The following SPATA2L variants were observed in gnomAD, a reference collection of about 807,000 sequenced individuals.
SPATA2L encodes spermatogenesis associated 2 like.
Under a neutral mutation model 8.7 loss-of-function variants are expected in SPATA2L, and 5 were observed. That is an observed-to-expected ratio of 0.57 (90% CI 0.30 to 1.21). The LOEUF is 1.21. SPATA2L is among the 50% of genes most tolerant of loss of function. SPATA2L has a pLI of 0.07. For missense variants in SPATA2L, 671 were observed against 591.0 expected (o/e 1.14, Z -1.40); for synonymous variants, 358 against 275.8 (o/e 1.30, Z -2.95).
At chr16:89,701,419 G>A in intron 1 of SPATA2L, 186 bp from the exon 2 acceptor site, 1 of 505,216 alleles carries the variant, frequency 2.0e-6, no homozygotes, top group Non-Finnish European at 3.3e-6. Flanking sequence ...TCAGCTGCCC[G>A]CCCACCCAGC....
intron 2 of SPATA2L, among the ~76,000 whole-genome samples, chr16:89,700,144 G>A (rs999607655): frequency 6.6e-6 from 1 of 152,238 alleles, no homozygotes; most frequent in Non-Finnish European, 1.5e-5. Flanking sequence ...GCAGAACTAA[G>A]TCCAAACCAG....
In SPATA2L at chr16:89,697,591, C is replaced by G. The variant is rs751714724; in HGVS notation, c.1018G>C (p.Gly340Arg). The change falls in exon 3 of 3, where the codon GGG becomes CGG. Residue 340 changes from glycine (G) to arginine (R), a missense_variant. By Grantham distance (125) the Gly-to-Arg change is moderately radical (BLOSUM62 -2). Coordinates refer to ENST00000289805, the MANE Select transcript of SPATA2L (RefSeq NM_152339.4). ...AASPRRIRAEGVPASAYRSVS... is the reference protein window; with the variant it reads ...AASPRRIRAERVPASAYRSVS... ...GACCTATAGGCTGAGGCTGGTACCCCCTCTGCCCGAATACGCCTCGGGCTG... is the reference window on the plus strand; with the variant it reads ...GACCTATAGGCTGAGGCTGGTACCCGCTCTGCCCGAATACGCCTCGGGCTG... 5.0e-6 allele frequency: 8 copies of G among 1,601,022 alleles called. No homozygotes were observed. Among genetic ancestry groups the G allele is most frequent in the African/African-American group, 2.7e-5 (2 of 74,852 alleles).
At position 89,697,994 on chromosome 16, in the gene SPATA2L, C is replaced by T; in HGVS notation, c.615G>A (p.Gln205=). The T allele has an allele frequency of 6.2e-7, 1 of 1,600,780 alleles. No individual in the cohort carries two copies. Among genetic ancestry groups the T allele is most frequent in the Non-Finnish European group, 8.5e-7 (1 of 1,177,246 alleles). The change falls in exon 3 of 3, where the codon CAG becomes CAA. Residue 205 remains glutamine (Q), a synonymous_variant. Coordinates refer to ENST00000289805, the MANE Select transcript of SPATA2L (RefSeq NM_152339.4). ...CVAWLQQRLA[Q]DEEPPPLPPR... ...GGGGCAGGGGTGGCGGCTCCTCATC[C>T]TGGGCCAGCCGCTGCTGCAGCCAGG...
chr16:89,696,983 C>G lies in SPATA2L; in HGVS notation c.*351G>C. ...GCCCCGTACTCCGTACTGCAGGGAG[C>G]AGGCCAGGAGCCACGGGCCTTGGGG... On this transcript the variant is annotated 3_prime_UTR_variant, in exon 3 of 3. Coordinates refer to ENST00000289805, the MANE Select transcript of SPATA2L (RefSeq NM_152339.4). 1 of 1,453,626 alleles carries G rather than the reference C, an allele frequency of 6.9e-7. No homozygotes were observed. Among genetic ancestry groups the G allele is most frequent in the Non-Finnish European group, 9.1e-7 (1 of 1,100,692 alleles). 90.0% of individuals were successfully genotyped at this position (1,453,626 alleles called of 1,614,324 possible). A position where few individuals can be genotyped will look rare whatever the true frequency, so the allele number is the denominator to read the frequency against.
intron 2 of SPATA2L, among the ~76,000 whole-genome samples, chr16:89,700,583 G>A (rs1426440783): frequency 6.6e-5 from 10 of 152,338 alleles, no homozygotes; most frequent in South Asian, 6.2e-4. Flanking sequence ...TAACCTGGAG[G>A]AATTAGGATG....
chr16:89,701,305 C>G (rs2060774491), intron 1 of SPATA2L, 72 bp from the exon 2 acceptor site: 1 of 1,337,784 alleles, frequency 7.5e-7, no homozygotes, highest in African/African-American at 1.5e-5. Flanking sequence ...TCCCCGAACC[C>G]TCACCCAGCG....
At position 89,699,432 on chromosome 16, in the gene SPATA2L, A is replaced by T. The variant is rs563731461; in HGVS notation, c.304-1127T>A. On this transcript the variant is annotated intron_variant, in intron 2 of 2. Transcript: ENST00000289805. ...CTTGCAGACAAGGACAGAAGCTGTA[A>T]CGTTCATTCCCCCTGCTGTGTAGTA... 3.2e-4 allele frequency among the ~76,000 whole-genome samples: 48 copies of T among 152,282 alleles called. 1 individual carries two copies. The highest frequency in any genetic ancestry group is 1.0e-3 in the Admixed American group (16 of 15,300).
At chr16:89,700,790 G>T in intron 2 of SPATA2L, 140 bp downstream of exon 2, 1 of 961,440 alleles carries the variant, frequency 1.0e-6, no homozygotes, top group Non-Finnish European at 1.4e-6. Context: ...ACCCCTCAGC[G>T]CTCGGAGCCT....
Position 89,697,376 on chromosome 16 carries a change from C to T in SPATA2L, c.1233G>A (p.Gln411=), listed in dbSNP as rs2060738687. Residue 411 remains glutamine (Q), a synonymous_variant, in exon 3 of 3, where the codon CAG becomes CAA. Transcript: ENST00000289805. ...GGCTGTTGTAGAGCAGAGTGTCCAT[C>T]TGTGCACGCTGTAGCCACAAGCGCC... is the stretch of plus-strand genomic sequence containing the variant. The part of the protein sequence containing the change: ...AQRRLWLQRA[Q]MDTLLYNSPG... 2 of 1,573,226 alleles carry T rather than the reference C, an allele frequency of 1.3e-6. No individual in the cohort carries two copies. The highest frequency in any genetic ancestry group is 2.7e-5 in the African/African-American group (2 of 74,018).
Position 89,697,677 on chromosome 16 carries a change from G to T in SPATA2L, c.932C>A (p.Ser311Tyr). ...AGGCCTACTCAGCTCACGGCGCAGA[G>T]AGAGGAAGGAGAAGGCGGAAGGTTC... Reference protein sequence around the residue: ...EPEPSAFSFLSLRRELSRPGD... With the variant: ...EPEPSAFSFLYLRRELSRPGD... Residue 311 changes from serine (S) to tyrosine (Y), a missense_variant, in exon 3 of 3, where the codon TCT (serine) becomes TAT (tyrosine). By Grantham distance (144) the Ser-to-Tyr change is moderately radical. Coordinates refer to ENST00000289805, the MANE Select transcript of SPATA2L (RefSeq NM_152339.4). 1.9e-6 allele frequency: 3 copies of T among 1,611,636 alleles called. No homozygotes were observed.
In SPATA2L at chr16:89,697,965, C is replaced by CG. The variant is rs775005823; in HGVS notation, c.643dup (p.Arg215ProfsTer37). ...GGCCCTGTAAGCAGCAGGGGAGCCT[C>CG]GGGGGGGCAGGGGTGGCGGCTCCTC... On this transcript the variant is annotated frameshift_variant, in exon 3 of 3. Transcript: ENST00000289805. LOFTEE classifies it low-confidence loss of function (END_TRUNC). 1.2e-5 allele frequency: 19 copies of CG among 1,604,600 alleles called. No individual in the cohort carries two copies. The highest frequency in any genetic ancestry group is 2.7e-5 in the African/African-American group (2 of 74,868).
At chr16:89,698,894 C>G (rs1295808892) in intron 2 of SPATA2L, among the ~76,000 whole-genome samples, 1 of 150,778 alleles carries the variant, frequency 6.6e-6, no homozygotes, top group African/African-American at 2.4e-5. Context: ...TTCAAGCGAT[C>G]TTCCTGCCTC....
In SPATA2L at chr16:89,696,590, G is replaced by A. The variant is rs1447947960; in HGVS notation, c.*744C>T. The A allele has an allele frequency of 5.7e-6, 3 of 527,288 alleles. No individual in the cohort carries two copies. The highest frequency in any genetic ancestry group is 1.0e-5 in the Non-Finnish European group (3 of 299,960). 32.7% of individuals were successfully genotyped at this position (527,288 alleles called of 1,614,324 possible). On this transcript the variant is annotated 3_prime_UTR_variant, in exon 3 of 3. Coordinates refer to ENST00000289805, the MANE Select transcript of SPATA2L (RefSeq NM_152339.4). Reference sequence around the variant, plus strand: ...GGGCTGCACCCACAGGGAATGGAGGGGAGGGGCACCATTACCACTGGACCC... The same window carrying A: ...GGGCTGCACCCACAGGGAATGGAGGAGAGGGGCACCATTACCACTGGACCC...
Position 89,696,518 on chromosome 16 carries a change from C to T in SPATA2L, c.*816G>A, listed in dbSNP as rs1197734029. 2 of 422,610 alleles carry T rather than the reference C, an allele frequency of 4.7e-6. No individual in the cohort carries two copies. Among genetic ancestry groups the T allele is most frequent in the South Asian group, 8.6e-5 (2 of 23,278 alleles). 26.2% of individuals were successfully genotyped at this position (422,610 alleles called of 1,614,324 possible). On this transcript the variant is annotated 3_prime_UTR_variant, in exon 3 of 3. Coordinates refer to ENST00000289805, the MANE Select transcript of SPATA2L (RefSeq NM_152339.4). ...ACAGTGGATGCACCCTGCCCTCTCC[C>T]TCGCCAGACCCGAGGGTAGGGCAGA... is the stretch of plus-strand genomic sequence containing the variant.
rs1434334833 is a variant in SPATA2L, at chr16:89,696,466, G to C, written c.*868C>G. The C allele has an allele frequency of 1.2e-5, 4 of 332,432 alleles. No individual in the cohort carries two copies. The highest frequency in any genetic ancestry group is 9.4e-5 in the Admixed American group (2 of 21,270). The allele number at this position is 332,432 out of a possible 1,614,324, so 20.6% of individuals were successfully genotyped here. ...AAAGCAGGCTCAGCTTCCAGGGTCA[G>C]GGAGTTGTGGGCCCAGAGGGGCTGT... On this transcript the variant is annotated 3_prime_UTR_variant, in exon 3 of 3. Transcript: ENST00000289805.
At position 89,697,823 on chromosome 16, in the gene SPATA2L, T is replaced by C; in HGVS notation, c.786A>G (p.Pro262=). The C allele has an allele frequency of 3.1e-6, 5 of 1,604,338 alleles. No homozygotes were observed. The highest frequency in any genetic ancestry group is 4.2e-6 in the Non-Finnish European group (5 of 1,176,764). Residue 262 remains proline (P), a synonymous_variant, in exon 3 of 3, where the codon CCA becomes CCG. Coordinates refer to ENST00000289805, the MANE Select transcript of SPATA2L (RefSeq NM_152339.4). ...SPPAELAYRP[P]LWEQSAKLWG... ...ACAGTTTGGCACTCTGCTCCCAGAG[T>C]GGTGGCCTGTAGGCCAGCTCCGCCG... is the stretch of plus-strand genomic sequence containing the variant.
rs1401524305 is a variant in SPATA2L, at chr16:89,698,102, C to T, written c.507G>A (p.Leu169=). 2 of 1,604,080 alleles carry T rather than the reference C, an allele frequency of 1.2e-6. No homozygotes were observed. Among genetic ancestry groups the T allele is most frequent in the Non-Finnish European group, 1.7e-6 (2 of 1,176,934 alleles). The change falls in exon 3 of 3, where the codon CTG becomes CTA. Residue 169 remains leucine (L), a synonymous_variant. Coordinates refer to ENST00000289805, the MANE Select transcript of SPATA2L (RefSeq NM_152339.4). ...RLECEILGEV[L]AQLGTSVLPA... is the part of the protein sequence containing the mutation. ...GCAGCACACTGGTGCCCAGCTGGGC[C>T]AGCACCTCACCCAGGATCTCACACT...
Position 89,697,854 on chromosome 16 carries a change from G to A in SPATA2L, c.755C>T (p.Ser252Leu), listed in dbSNP as rs772736744. Residue 252 changes from serine to leucine, a missense_variant, in exon 3 of 3, where the codon TCG (serine) becomes TTG (leucine). By Grantham distance (145) the Ser-to-Leu change is moderately radical (BLOSUM62 -2). Coordinates refer to ENST00000289805, the MANE Select transcript of SPATA2L (RefSeq NM_152339.4). The part of the protein sequence containing the change: ...LYGEPSPGPD[S>L]PPAELAYRPP... ...CCTGTAGGCCAGCTCCGCCGGGGGCGAGTCAGGGCCTGGTGACGGCTCCCC... is the reference window on the plus strand; with the variant it reads ...CCTGTAGGCCAGCTCCGCCGGGGGCAAGTCAGGGCCTGGTGACGGCTCCCC... The A allele has an allele frequency of 9.3e-6, 15 of 1,610,566 alleles. No homozygotes were observed. The Middle Eastern group carries it at 6.6e-4, about 71-fold the overall frequency.
chr16:89,697,216 C>T lies in SPATA2L; in HGVS notation c.*118G>A. On this transcript the variant is annotated 3_prime_UTR_variant, in exon 3 of 3. Coordinates refer to ENST00000289805, the MANE Select transcript of SPATA2L (RefSeq NM_152339.4). Reference sequence around the variant, plus strand: ...GGGTTGGCCTGGACTCTCCAACCCCCTGCTGTGCCCAGGACTCCCCCAGGG... The same window carrying T: ...GGGTTGGCCTGGACTCTCCAACCCCTTGCTGTGCCCAGGACTCCCCCAGGG... The T allele has an allele frequency of 1.4e-6, 2 of 1,394,026 alleles. No homozygotes were observed. Among genetic ancestry groups the T allele is most frequent in the Non-Finnish European group, 1.9e-6 (2 of 1,077,634 alleles). The allele number at this position is 1,394,026 out of a possible 1,614,324, so 86.4% of individuals were successfully genotyped here.
Sources: allele counts gnomAD v4.1 joint callset (sites outside exome capture counted in the v4.1 genomes callset), GRCh38; gene constraint gnomAD v4.1.1; transcripts MANE v1.5; gene names NCBI Gene and HGNC (gene_info 2026-07-23, HGNC 2026-07-21).